Variants in ZNF800 observed in about 807,000 individuals in gnomAD.
The protein encoded by ZNF800 is zinc finger protein 800.
ZNF800 carries 13 observed loss-of-function variants against 59.5 expected under a neutral mutation model. The ratio of observed to expected loss-of-function variants is 0.22; its 90% CI spans 0.14 to 0.35. ZNF800 has a LOEUF of 0.35. ZNF800 is among the 10% of genes least tolerant of loss of function. The pLI, the probability that ZNF800 is intolerant of heterozygous loss-of-function variation, is 1.00. For synonymous variants in ZNF800, 266 were observed against 265.7 expected, an observed-to-expected ratio of 1.00 and a Z score of -0.01; for missense variants, 621 against 783.7, an observed-to-expected ratio of 0.79 and a Z score of 2.48.
rs1800823780 is a variant in ZNF800 at position 127,377,631 on chromosome 7, G to A, written c.158-302C>T. Among the ~76,000 whole-genome samples the A allele has an allele frequency of 6.6e-6, 1 of 151,956 alleles. No homozygotes were observed. Among genetic ancestry groups the A allele is most frequent in the Non-Finnish European group, 1.5e-5 (1 of 67,898 alleles). On this transcript the variant is annotated intron_variant, in intron 3 of 5. Coordinates refer to ENST00000265827, the MANE Select transcript of ZNF800 (RefSeq NM_176814.5). This position sits in a 1 kb window ranked among gnomAD's most constrained non-coding sequence, Gnocchi z 4.7. ...CCGACATGAGGTTAATCATTACAAT[G>A]AGCTGGGAATAAAGATGTACACAGC...
At chr7:127,378,513 T>C (rs767308613) in intron 3 of ZNF800, among the ~76,000 whole-genome samples, 1 of 152,094 alleles carries the variant, frequency 6.6e-6, no homozygotes, top group African/African-American at 2.4e-5. Context: ...AAGTGTTGTG[T>C]CATTTAAGAA....
chr7:127,374,314 A>G lies in ZNF800; in HGVS notation c.1022T>C (p.Phe341Ser), dbSNP rs770685063. 12 of 1,613,262 alleles carry G rather than the reference A, an allele frequency of 7.4e-6. No homozygotes were observed. The highest frequency in any genetic ancestry group is 1.1e-5 in the South Asian group (1 of 91,018). The change falls in exon 5 of 6, where the codon TTT becomes TCT. Residue 341 changes from phenylalanine (F) to serine (S), a missense_variant. Physicochemically the swap from Phe to Ser is radical, Grantham distance 155. Transcript: ENST00000265827. Reference sequence around the variant, plus strand: ...AGAAGACTTTTGTTTTCGAGTCTTAAAAGATTTTTTAGGAGAAATAGAATC... The same window carrying G: ...AGAAGACTTTTGTTTTCGAGTCTTAGAAGATTTTTTAGGAGAAATAGAATC... ...FLDSISPKKS[F>S]KTRKQKSSSK...
downstream of ZNF800, among the ~76,000 whole-genome samples, chr7:127,343,215 G>C (rs191422874): frequency 8.7e-3 from 1,321 of 151,166 alleles, 19 homozygotes; most frequent in African/African-American, 0.029. Flanking sequence ...AAATAAGGAA[G>C]GAATTAAAGA....
chr7:127,388,512 T>C (rs115928882), intron 2 of ZNF800, among the ~76,000 whole-genome samples: 3,259 of 152,232 alleles, frequency 0.021, 125 homozygotes, highest in African/African-American at 0.075. Context: ...AATTCTAGAA[T>C]TGGAGAATGA....
intron 1 of ZNF800, chr7:127,350,589 G>A (rs1562894603): frequency 6.6e-6 from 1 of 152,226 alleles, no homozygotes. Context: ...CCTGCACACT[G>A]TAACACCAAA....
In ZNF800 at chr7:127,389,430, A is replaced by G. The variant is rs1801238689; in HGVS notation, c.61+2067T>C. On this transcript the variant is annotated intron_variant, in intron 2 of 5. Transcript: ENST00000265827. Reference sequence around the variant, plus strand: ...GAATGGCCTCATCAGGAATATACTGATCTCCTCTGGAGACTCACCCAGTAT... The same window carrying G: ...GAATGGCCTCATCAGGAATATACTGGTCTCCTCTGGAGACTCACCCAGTAT... 2.0e-5 allele frequency among the ~76,000 whole-genome samples: 3 copies of G among 152,136 alleles called. No homozygotes were observed. The South Asian group carries it at 6.2e-4, about 32-fold the overall frequency.
chr7:127,355,244 T>C (rs927806428), intron 1 of ZNF800, among the ~76,000 whole-genome samples: 2 of 152,112 alleles, frequency 1.3e-5, no homozygotes, highest in Admixed American at 1.3e-4. Context: ...ATAGAAAGCT[T>C]AGACCAGGAA....
chr7:127,349,529 T>C (rs568710465), intron 1 of ZNF800, among the ~76,000 whole-genome samples: 1 of 152,298 alleles, frequency 6.6e-6, no homozygotes, highest in Admixed American at 6.5e-5. Context: ...AATCCAAGAT[T>C]AGATGTTTAT....
chr7:127,373,285 A>T (rs948638473), intron 5 of ZNF800, 57 bp downstream of exon 5: 58 of 1,439,256 alleles, frequency 4.0e-5, no homozygotes, highest in Non-Finnish European at 4.9e-5. Flanking sequence ...TGGTCAAATG[A>T]TTTTTTTTTT....
rs150990978 is a variant in ZNF800 at position 127,357,378 on chromosome 7, A to T, written n.225-9335T>A. Among the ~76,000 whole-genome samples the T allele has an allele frequency of 5.9e-5, 9 of 152,208 alleles. No individual in the cohort carries two copies. In the East Asian group the frequency reaches 1.7e-3, roughly 29 times the overall value. On this transcript the variant is annotated intron_variant and non_coding_transcript_variant, in intron 1 of 1. Transcript: ENST00000485577. Reference sequence around the variant, plus strand: ...TTAATATATTTAAGTCATCTGTTCAACCTTTAATAGTACCTTTATTCCCTT... The same window carrying T: ...TTAATATATTTAAGTCATCTGTTCATCCTTTAATAGTACCTTTATTCCCTT...
At chr7:127,378,593 A>G (rs1355603397) in intron 3 of ZNF800, among the ~76,000 whole-genome samples, 1 of 152,110 alleles carries the variant, frequency 6.6e-6, no homozygotes, top group Non-Finnish European at 1.5e-5. Context: ...TAATTAATAT[A>G]GTAGGGTCTA....
At chr7:127,387,867 T>C (rs770184986) in intron 2 of ZNF800, among the ~76,000 whole-genome samples, 1 of 151,218 alleles carries the variant, frequency 6.6e-6, no homozygotes, top group East Asian at 1.9e-4. Context: ...TCAAAATAAA[T>C]AAACAAATTA....
rs1247156235 is a variant in ZNF800, at chr7:127,391,576, A to T, written c.-19T>A. On this transcript the variant is annotated 5_prime_UTR_variant, in exon 2 of 6. Coordinates refer to ENST00000265827, the MANE Select transcript of ZNF800 (RefSeq NM_176814.5). ...AAGGCATTTTCAGTGGACTCGACCTACTTTGCTTTCACTGTAAGAAGCTCT... is the reference window on the plus strand; with the variant it reads ...AAGGCATTTTCAGTGGACTCGACCTTCTTTGCTTTCACTGTAAGAAGCTCT... The T allele has an allele frequency of 6.8e-6, 11 of 1,613,224 alleles. No homozygotes were observed. The highest frequency in any genetic ancestry group is 9.3e-6 in the Non-Finnish European group (11 of 1,179,320).
At chr7:127,354,741 A>C (rs1451135361) in intron 1 of ZNF800, among the ~76,000 whole-genome samples, 1 of 152,120 alleles carries the variant, frequency 6.6e-6, no homozygotes, top group Non-Finnish European at 1.5e-5. Context: ...GCTGGCTTCT[A>C]TTCCTGACTT....
chr7:127,387,577 T>G (rs1234908497), intron 2 of ZNF800, among the ~76,000 whole-genome samples: 1 of 152,176 alleles, frequency 6.6e-6, no homozygotes, highest in Admixed American at 6.6e-5. Flanking sequence ...TAAGAGACAC[T>G]TGGCCTGGTG....
At chr7:127,389,630 G>A (rs1227713776) in intron 2 of ZNF800, among the ~76,000 whole-genome samples, 1 of 152,060 alleles carries the variant, frequency 6.6e-6, no homozygotes, top group African/African-American at 2.4e-5. Flanking sequence ...TACTCTATAA[G>A]TTAACAAAGT....
chr7:127,361,765 A>G (rs1199266504), intron 1 of ZNF800: 2 of 152,152 alleles, frequency 1.3e-5, no homozygotes, highest in Admixed American at 1.3e-4. Context: ...AAAGTCCAAT[A>G]AAGATGAATT....
rs181154267 is a variant in ZNF800 at position 127,386,172 on chromosome 7, C to T, written c.62-17G>A. On this transcript the variant is annotated splice_polypyrimidine_tract_variant and intron_variant, in intron 2 of 5. Coordinates refer to ENST00000265827, the MANE Select transcript of ZNF800 (RefSeq NM_176814.5). ...GGATATAAACTACATGGAAGACAAA[C>T]ACCCACCCCAATCCCCACAAAAAAA... 2.0e-5 allele frequency: 30 copies of T among 1,499,422 alleles called. No individual in the cohort carries two copies. Among genetic ancestry groups the T allele is most frequent in the Middle Eastern group, 3.4e-4 (2 of 5,846 alleles). The allele number at this position is 1,499,422 out of a possible 1,614,324, so 92.9% of individuals were successfully genotyped here.
intron 4 of ZNF800, among the ~76,000 whole-genome samples, chr7:127,375,686 AG>A (rs1800772270): frequency 6.6e-6 from 1 of 152,048 alleles, no homozygotes; most frequent in Non-Finnish European, 1.5e-5. Flanking sequence ...TAAAAACCAT[AG>A]GTAGTTTTAT....
Sources: allele counts gnomAD v4.1 joint callset (sites outside exome capture counted in the v4.1 genomes callset), GRCh38; gene constraint gnomAD v4.1.1; non-coding constraint Gnocchi (gnomAD v3.1); transcripts MANE v1.5; gene names NCBI Gene and HGNC (gene_info 2026-07-23, HGNC 2026-07-21).